The following RUNX3 variants were observed in gnomAD, a reference collection of about 807,000 sequenced individuals.
The protein encoded by RUNX3 is RUNX family transcription factor 3, also known as runt-related transcription factor 3.
RUNX3 carries 10 observed loss-of-function variants against 27.7 expected under a neutral mutation model. That is an observed-to-expected ratio of 0.36 (90% CI 0.22 to 0.61). The LOEUF is 0.61. Ranked by LOEUF, RUNX3 falls within the 20% of genes least tolerant of loss-of-function variation. RUNX3 has a pLI of 0.72. For missense variants in RUNX3, 469 were observed against 629.5 expected (o/e 0.75, Z 2.73); for synonymous variants, 270 against 269.2 (o/e 1.00, Z -0.03).
chr1:24,935,910 G>A (rs551466736), intron 2 of RUNX3, among the ~76,000 whole-genome samples: 61 of 152,314 alleles, frequency 4.0e-4, no homozygotes, highest in African/African-American at 1.4e-3. Flanking sequence ...CTCAGAATCT[G>A]AGAAGTTCAA....
intron 2 of RUNX3, among the ~76,000 whole-genome samples, chr1:24,936,000 G>T (rs567135052): frequency 1.3e-5 from 2 of 152,186 alleles, no homozygotes. Context: ...TGCTCTCAGC[G>T]CAGAGCTCTC....
chr1:24,909,321 A>C (rs1640753846), intron 3 of RUNX3, among the ~76,000 whole-genome samples: 1 of 152,184 alleles, frequency 6.6e-6, no homozygotes. Context: ...CAGAGTCCCC[A>C]CCGTGACCAG....
intron 4 of RUNX3, among the ~76,000 whole-genome samples, chr1:24,903,959 G>T (rs555964179): frequency 9.8e-5 from 15 of 152,344 alleles, no homozygotes; most frequent in Non-Finnish European, 2.1e-4. Flanking sequence ...TGGGCACAGA[G>T]CAGGGGTCCA....
chr1:24,945,547 AG>A (rs903514106), intron 2 of RUNX3, among the ~76,000 whole-genome samples: 1 of 152,138 alleles, frequency 6.6e-6, no homozygotes, highest in African/African-American at 2.4e-5. Context: ...TAACCCAATG[AG>A]GTGGTTAGCC....
rs1041917563 is a variant in RUNX3, at chr1:24,950,869, G to A, written c.58+13645C>T. Among the ~76,000 whole-genome samples the A allele has an allele frequency of 3.3e-5, 5 of 152,130 alleles. 1 individual carries two copies. The South Asian group carries it at 1.0e-3, about 32-fold the overall frequency. ...GGAGAGCTGAGGAGCCTAGGGGAGA[G>A]GAACCCAGAGGTCCCTGCCAAAGTG... On this transcript the variant is annotated intron_variant, in intron 2 of 6. Coordinates refer to the RUNX3 transcript ENST00000338888.
intron 2 of RUNX3, among the ~76,000 whole-genome samples, chr1:24,925,589 C>T (rs534235087): frequency 2.6e-5 from 4 of 152,278 alleles, no homozygotes; most frequent in African/African-American, 9.6e-5. Context: ...TCCAGCAAGT[C>T]ATTAGCAGAG....
At chr1:24,950,564 G>A (rs1167806642) in intron 2 of RUNX3, among the ~76,000 whole-genome samples, 3 of 152,218 alleles carry the variant, frequency 2.0e-5, no homozygotes, top group Non-Finnish European at 4.4e-5. Context: ...AGGTGGGGGG[G>A]CCAGGTAGCC....
rs546568312 is a variant in RUNX3 at position 24,922,661 on chromosome 1, G to T, written c.440-3317C>A. On this transcript the variant is annotated intron_variant, in intron 2 of 4. Coordinates refer to ENST00000308873, the MANE Select transcript of RUNX3 (RefSeq NM_004350.3). ...TTTACCACAATTTTTAAAGTATTTT[G>T]CTATGTTTTAATAGAAATGGTTTCT... Among the ~76,000 whole-genome samples the T allele has an allele frequency of 2.0e-5, 3 of 151,572 alleles. No homozygotes were observed. In the South Asian group the frequency reaches 6.3e-4, roughly 32 times the overall value.
intron 2 of RUNX3, among the ~76,000 whole-genome samples, chr1:24,953,240 C>T (rs1641814367): frequency 1.3e-5 from 2 of 151,640 alleles, no homozygotes; most frequent in African/African-American, 4.8e-5. Flanking sequence ...TGGCGGGCAC[C>T]TGTAGTCCCA....
At chr1:24,931,571 T>C (rs1231011495), upstream of RUNX3, among the ~76,000 whole-genome samples, 1 of 152,170 alleles carries the variant, frequency 6.6e-6, no homozygotes, top group Non-Finnish European at 1.5e-5. Flanking sequence ...CGGGGCTAGA[T>C]TTTCGTTGCC....
chr1:24,914,561 G>A (rs912447790), intron 3 of RUNX3, among the ~76,000 whole-genome samples: 3 of 152,192 alleles, frequency 2.0e-5, no homozygotes, highest in East Asian at 1.9e-4. Flanking sequence ...GCAGGGAGGC[G>A]AGCGGTTCCC....
chr1:24,954,948 G>T (rs1444958604), intron 2 of RUNX3, among the ~76,000 whole-genome samples: 3 of 152,108 alleles, frequency 2.0e-5, no homozygotes, highest in Non-Finnish European at 4.4e-5. Flanking sequence ...GGAGCCCTGT[G>T]TCCTGAAGCC....
chr1:24,917,413 G>A (rs1462761029), intron 3 of RUNX3, among the ~76,000 whole-genome samples: 1 of 152,176 alleles, frequency 6.6e-6, no homozygotes, highest in Admixed American at 6.5e-5. Context: ...AGGGGGCTGG[G>A]TACTGAGGAC....
At position 24,927,639 on chromosome 1, in the gene RUNX3, G is replaced by A. The variant is rs376534647; in HGVS notation, c.374C>T (p.Ser125Leu). Residue 125 changes from serine (S) to leucine (L), a missense_variant, in exon 2 of 5, where the codon TCG (serine) becomes TTG (leucine). Coordinates refer to ENST00000308873, the MANE Select transcript of RUNX3 (RefSeq NM_004350.3). The surrounding 1 kb of genome is among the most constrained non-coding windows in gnomAD (Gnocchi z 5.0). ...GGCCACCTGGTTCTTCATGACGGCC[G>A]AGGCATTGCGCAGCTCAGCGGAGTA... ...ENYSAELRNA[S>L]AVMKNQVARF... 1.2e-5 allele frequency: 19 copies of A among 1,614,114 alleles called. No homozygotes were observed. Among genetic ancestry groups the A allele is most frequent in the Non-Finnish European group, 1.5e-5 (18 of 1,180,014 alleles).
chr1:24,925,754 A>G (rs1641086652), intron 2 of RUNX3, among the ~76,000 whole-genome samples: 1 of 151,954 alleles, frequency 6.6e-6, no homozygotes, highest in Non-Finnish European at 1.5e-5. Flanking sequence ...CTGGTTATGG[A>G]CCTCTGAGAG....
At chr1:24,922,100 GC>G (rs1641010680) in intron 2 of RUNX3, among the ~76,000 whole-genome samples, 1 of 151,778 alleles carries the variant, frequency 6.6e-6, no homozygotes, top group African/African-American at 2.4e-5. Context: ...ACAGGTGAGC[GC>G]CACCATGCCC....
At chr1:24,960,440 G>T (rs750736091) in intron 2 of RUNX3, among the ~76,000 whole-genome samples, 1 of 152,200 alleles carries the variant, frequency 6.6e-6, no homozygotes, top group African/African-American at 2.4e-5. Context: ...TAAAGCCCAA[G>T]CTGGAATCTC....
At chr1:24,960,797 G>T (rs763437341) in intron 2 of RUNX3, among the ~76,000 whole-genome samples, 7 of 152,138 alleles carry the variant, frequency 4.6e-5, no homozygotes, top group Non-Finnish European at 8.8e-5. Flanking sequence ...ATTGTCAGAC[G>T]GGGAAACTGA....
chr1:24,935,403 G>T (rs1012793365), intron 2 of RUNX3, among the ~76,000 whole-genome samples: 40 of 151,800 alleles, frequency 2.6e-4, no homozygotes, highest in Admixed American at 2.0e-3. Context: ...TCCACCTCCC[G>T]CGGGGCGCCA....
Sources: allele counts gnomAD v4.1 joint callset (sites outside exome capture counted in the v4.1 genomes callset), GRCh38; gene constraint gnomAD v4.1.1; non-coding constraint Gnocchi (gnomAD v3.1); transcripts MANE v1.5; gene names NCBI Gene and HGNC (gene_info 2026-07-23, HGNC 2026-07-21).